The following PTPRM variants were observed in gnomAD, a reference collection of about 807,000 sequenced individuals.
PTPRM encodes protein tyrosine phosphatase receptor type M, also known as receptor-type tyrosine-protein phosphatase mu.
PTPRM carries 47 observed loss-of-function variants against 186.7 expected under a neutral mutation model. The observed-to-expected ratio is 0.25, with a 90% CI of 0.20 to 0.32. The LOEUF (loss-of-function observed/expected upper bound fraction) is 0.32. Ranked by LOEUF, PTPRM falls within the 10% of genes least tolerant of loss-of-function variation. PTPRM has a pLI of 1.00. For synonymous variants in PTPRM, 668 were observed against 674.9 expected, an observed-to-expected ratio of 0.99 and a Z score of 0.16; for missense variants, 1,494 against 1,865.0, an observed-to-expected ratio of 0.80 and a Z score of 3.66.
intron 22 of PTPRM, among the ~76,000 whole-genome samples, chr18:8,330,755 C>T (rs1340939527): frequency 6.6e-6 from 1 of 151,920 alleles, no homozygotes; most frequent in Admixed American, 6.6e-5. Context: ...CTTTGGAGAC[C>T]GACACTGATG....
At chr18:7,739,142 GTT>G (rs34789645) in intron 1 of PTPRM, among the ~76,000 whole-genome samples, 2 of 150,974 alleles carry the variant, frequency 1.3e-5, no homozygotes, top group Non-Finnish European at 3.0e-5. Context: ...AAAAATGACA[GTT>G]TTTTTTTTCT....
chr18:7,744,436 A>G (rs1218347098), intron 1 of PTPRM, among the ~76,000 whole-genome samples: 2 of 152,166 alleles, frequency 1.3e-5, no homozygotes, highest in Non-Finnish European at 2.9e-5. Flanking sequence ...ATATTTGAGA[A>G]GGTCTTATAT....
At chr18:8,221,498 G>C (rs1053420391) in intron 14 of PTPRM, among the ~76,000 whole-genome samples, 7 of 152,230 alleles carry the variant, frequency 4.6e-5, no homozygotes, top group African/African-American at 1.7e-4. Flanking sequence ...CTCAGAATAA[G>C]AGCAGATTCA....
At chr18:7,660,268 T>C (rs1598319834) in intron 1 of PTPRM, among the ~76,000 whole-genome samples, 1 of 151,732 alleles carries the variant, frequency 6.6e-6, no homozygotes, top group African/African-American at 2.4e-5. Flanking sequence ...CCTTGGAGGC[T>C]GAGGTTACAG....
At chr18:8,035,500 T>C (rs528993695) in intron 7 of PTPRM, among the ~76,000 whole-genome samples, 1 of 152,322 alleles carries the variant, frequency 6.6e-6, no homozygotes, top group African/African-American at 2.4e-5. Context: ...AGATTGTATA[T>C]ATTACCCAAT....
chr18:7,568,590 C>A lies in PTPRM; in HGVS notation c.73+699C>A, dbSNP rs942796005. On this transcript the variant is annotated intron_variant, in intron 1 of 32. Transcript: ENST00000580170. The surrounding 1 kb of genome is among the most constrained non-coding windows in gnomAD (Gnocchi z 5.1). ...ACGGCCCTGCGCCCCGCTGGGCTCC[C>A]CCTCCCCACCCTCGTCCCCCTAGCG... is the stretch of plus-strand genomic sequence containing the variant. Among the ~76,000 whole-genome samples, 2 of 152,198 alleles carry A rather than the reference C, an allele frequency of 1.3e-5. No homozygotes were observed. The highest frequency in any genetic ancestry group is 6.5e-5 in the Admixed American group (1 of 15,286).
At chr18:7,703,253 C>T (rs2040003950) in intron 1 of PTPRM, among the ~76,000 whole-genome samples, 2 of 152,120 alleles carry the variant, frequency 1.3e-5, no homozygotes, top group Admixed American at 1.3e-4. Flanking sequence ...CTGTAAATTA[C>T]TTTGGGCAGT....
intron 20 of PTPRM, among the ~76,000 whole-genome samples, chr18:8,311,075 G>A (rs759611472): frequency 6.6e-6 from 1 of 152,178 alleles, no homozygotes; most frequent in Non-Finnish European, 1.5e-5. Context: ...TTGGGAAGCT[G>A]AGGCAGGTGG....
rs554734664 is a variant in PTPRM, at chr18:7,687,014, T to A, written c.74-87135T>A. Among the ~76,000 whole-genome samples, 18 of 152,354 alleles carry A rather than the reference T, an allele frequency of 1.2e-4. No homozygotes were observed. In the South Asian group the frequency reaches 3.7e-3, roughly 32 times the overall value. On this transcript the variant is annotated intron_variant, in intron 1 of 32. Transcript: ENST00000580170. ...TAAGCTGTCGTAGAAAGAATTGTTA[T>A]AAAATAAGGTTATTGCTTCTGGCTT... is the stretch of plus-strand genomic sequence containing the variant.
intron 2 of PTPRM, among the ~76,000 whole-genome samples, chr18:7,811,847 G>A (rs187514761): frequency 6.6e-6 from 1 of 152,150 alleles, no homozygotes; most frequent in Non-Finnish European, 1.5e-5. Context: ...ACACTTGAAA[G>A]GGTTAATATA....
intron 19 of PTPRM, chr18:8,270,200 A>T (rs541826576): frequency 1.3e-5 from 2 of 151,754 alleles, no homozygotes; most frequent in South Asian, 4.2e-4. Flanking sequence ...GAGGGTTAAT[A>T]TTCAAGATAT....
intron 1 of PTPRM, among the ~76,000 whole-genome samples, chr18:7,684,303 AT>A (rs1007259817): frequency 6.8e-6 from 1 of 146,354 alleles, no homozygotes; most frequent in Non-Finnish European, 1.5e-5. Flanking sequence ...TTAAAAAAAA[AT>A]AAATAAATAA....
intron 1 of PTPRM, among the ~76,000 whole-genome samples, chr18:7,761,988 C>T (rs1259956401): frequency 6.6e-6 from 1 of 152,108 alleles, no homozygotes; most frequent in Non-Finnish European, 1.5e-5. Context: ...TTTATTCTTA[C>T]CTTTGTTACA....
chr18:8,390,267 A>G (rs1292091270), intron 31 of PTPRM, among the ~76,000 whole-genome samples: 6 of 152,360 alleles, frequency 3.9e-5, no homozygotes, highest in Middle Eastern at 3.4e-3. Context: ...CACTCCATGT[A>G]CAGAATCCCT....
rs531112801 is a variant in PTPRM, at chr18:7,666,503, A to G, written c.73+98612A>G. ...AACTGTTCTCTTTGAGTTATTTAAT[A>G]GAAAGACACCAGCGTCTGACGAGTC... On this transcript the variant is annotated intron_variant, in intron 1 of 32. Coordinates refer to ENST00000580170, the MANE Select transcript of PTPRM (RefSeq NM_001105244.2). Among the ~76,000 whole-genome samples, 6 of 152,304 alleles carry G rather than the reference A, an allele frequency of 3.9e-5. No homozygotes were observed. In the East Asian group the frequency reaches 7.7e-4, roughly 20 times the overall value.
chr18:8,285,464 G>A (rs2094945920), intron 19 of PTPRM, among the ~76,000 whole-genome samples: 1 of 152,158 alleles, frequency 6.6e-6, no homozygotes, highest in Admixed American at 6.5e-5. Flanking sequence ...CCCACTCATG[G>A]GGAATAAGCT....
chr18:7,626,926 A>G (rs1196346301), intron 1 of PTPRM, among the ~76,000 whole-genome samples: 1 of 151,866 alleles, frequency 6.6e-6, no homozygotes, highest in African/African-American at 2.4e-5. Context: ...GAGTCGGGAG[A>G]TTTTTGACAC....
At chr18:8,204,757 T>G (rs898675709) in intron 14 of PTPRM, among the ~76,000 whole-genome samples, 6 of 149,754 alleles carry the variant, frequency 4.0e-5, no homozygotes, top group Middle Eastern at 3.4e-3. Context: ...ATATGGTAAC[T>G]AAAAAAACAA....
chr18:7,966,475 G>C (rs960690401), intron 7 of PTPRM, among the ~76,000 whole-genome samples: 2 of 152,122 alleles, frequency 1.3e-5, no homozygotes, highest in Non-Finnish European at 2.9e-5. Context: ...AATAGGAACA[G>C]CTCCGGTCTA....
Sources: allele counts gnomAD v4.1 joint callset (sites outside exome capture counted in the v4.1 genomes callset), GRCh38; gene constraint gnomAD v4.1.1; non-coding constraint Gnocchi (gnomAD v3.1); transcripts MANE v1.5; gene names NCBI Gene and HGNC (gene_info 2026-07-23, HGNC 2026-07-21).